MTDH: variants seen among roughly 807,000 people sequenced by gnomAD.
The protein encoded by MTDH is protein LYRIC.
MTDH carries 34 observed loss-of-function variants against 72.7 expected under a neutral mutation model. The observed-to-expected ratio is 0.47, with a 90% confidence interval of 0.36 to 0.62. The LOEUF (loss-of-function observed/expected upper bound fraction) is 0.62. MTDH is among the 20% of genes least tolerant of loss of function. The probability of loss-of-function intolerance (pLI) is 0.00; values close to 1 mark genes in which losing one functional copy is unlikely to be tolerated. For missense variants in MTDH, 677 were observed against 699.4 expected (o/e 0.97, Z 0.36); for synonymous variants, 266 against 268.9 (o/e 0.99, Z 0.10).
intron 2 of MTDH, among the ~76,000 whole-genome samples, chr8:97,671,227 A>G (rs1380050392): frequency 1.3e-5 from 2 of 151,894 alleles, no homozygotes. Context: ...TCGGCCTCCC[A>G]AAGTGCTGGG....
chr8:97,646,649 A>C (rs1439490720), intron 1 of MTDH, among the ~76,000 whole-genome samples: 1 of 152,242 alleles, frequency 6.6e-6, no homozygotes, highest in Non-Finnish European at 1.5e-5. Context: ...CATCTGAAAG[A>C]ATACAGATTC....
chr8:97,699,994 A>T, intron 7 of MTDH, 142 bp downstream of exon 7: 1 of 458,218 alleles, frequency 2.2e-6, no homozygotes, highest in Non-Finnish European at 3.8e-6. Context: ...CAAATGTACT[A>T]CTTGAAACCT....
chr8:97,696,112 A>G (rs72671539), intron 6 of MTDH: 18,893 of 366,864 alleles, frequency 0.051, 617 homozygotes, highest in Non-Finnish European at 0.06. Flanking sequence ...TTCTAAGGTT[A>G]TCTTTAAATA....
At chr8:97,684,429 C>T (rs917756358) in intron 2 of MTDH, among the ~76,000 whole-genome samples, 1 of 152,168 alleles carries the variant, frequency 6.6e-6, no homozygotes, top group Non-Finnish European at 1.5e-5. Context: ...AACTCTGACA[C>T]CCCAAATCCA....
Position 97,724,713 on chromosome 8 carries a change from C to CCAA in MTDH, c.*43_*44insCAA. On this transcript the variant is annotated 3_prime_UTR_variant, in exon 12 of 12. Coordinates refer to ENST00000336273, the MANE Select transcript of MTDH (RefSeq NM_178812.4). ...TGGACATGTGTTTGCAAACACTTGT[C>CCAA]TTGAAGATTATGCTGTTTATGCAAT... The CCAA allele has an allele frequency of 7.0e-7, 1 of 1,424,652 alleles. No homozygotes were observed. Among genetic ancestry groups the CCAA allele is most frequent in the Non-Finnish European group, 9.6e-7 (1 of 1,041,544 alleles). The allele number at this position is 1,424,652 out of a possible 1,614,324, so 88.3% of individuals were successfully genotyped here.
intron 2 of MTDH, among the ~76,000 whole-genome samples, chr8:97,677,207 A>G (rs1234804376): frequency 9.5e-6 from 1 of 104,818 alleles, no homozygotes; most frequent in East Asian, 4.3e-4. Context: ...AAAAAAAAAA[A>G]AAAAGGCCGG....
At position 97,723,042 on chromosome 8, in the gene MTDH, A is replaced by T; in HGVS notation, c.1678+7A>T. 1 of 1,611,758 alleles carries T rather than the reference A, an allele frequency of 6.2e-7. No homozygotes were observed. Among genetic ancestry groups the T allele is most frequent in the Non-Finnish European group, 8.5e-7 (1 of 1,179,102 alleles). On this transcript the variant is annotated splice_region_variant and intron_variant, in intron 11 of 11. Coordinates refer to ENST00000336273, the MANE Select transcript of MTDH (RefSeq NM_178812.4). ...AGTGTGCCTCCTTCACAGAGTAAGT[A>T]ATCCTCATTTTTTGTTCCTTTGTAC...
chr8:97,649,192 G>A (rs1373201324), intron 1 of MTDH, among the ~76,000 whole-genome samples: 5 of 152,192 alleles, frequency 3.3e-5, no homozygotes, highest in Non-Finnish European at 7.4e-5. Flanking sequence ...TTCTCATTAA[G>A]CAGTGTATGA....
intron 10 of MTDH, among the ~76,000 whole-genome samples, chr8:97,722,098 CACTA>C (rs1325917867): frequency 2.1e-4 from 32 of 152,176 alleles, no homozygotes; most frequent in African/African-American, 7.5e-4. Context: ...ACCAATGAAT[CACTA>C]ACAAGTATAA....
intron 1 of MTDH, among the ~76,000 whole-genome samples, chr8:97,650,753 C>T (rs1457780013): frequency 6.6e-6 from 1 of 151,060 alleles, no homozygotes; most frequent in Admixed American, 6.6e-5. Context: ...ATTTTTTGAG[C>T]TGGGGTCTCA....
rs1199702732 is a variant in MTDH, at chr8:97,691,103, CTGG to C, written c.964_966del (p.Trp322del). 1.9e-6 allele frequency: 3 copies of C among 1,614,108 alleles called. No homozygotes were observed. The highest frequency in any genetic ancestry group is 2.5e-6 in the Non-Finnish European group (3 of 1,180,008). ...GAAAGAGGAAAACTGAGCCATCTGC[CTGG>C]AGTCAAGACACTGGAGATGCTAATA... On this transcript the variant is annotated inframe_deletion, in exon 6 of 12. Transcript: ENST00000336273.
intron 2 of MTDH, among the ~76,000 whole-genome samples, chr8:97,686,289 A>C (rs866304999): frequency 1.3e-5 from 2 of 152,218 alleles, no homozygotes; most frequent in African/African-American, 2.4e-5. Context: ...GTGGAAGGGC[A>C]CAGGCTTTGG....
intron 7 of MTDH, among the ~76,000 whole-genome samples, chr8:97,700,322 T>G (rs978983119): frequency 6.6e-6 from 1 of 151,986 alleles, no homozygotes; most frequent in African/African-American, 2.4e-5. Flanking sequence ...TCATGCCGTC[T>G]TCATTTAAAA....
chr8:97,681,491 CTTTTTTT>C (rs35262209), intron 2 of MTDH, among the ~76,000 whole-genome samples: 3 of 108,868 alleles, frequency 2.8e-5, no homozygotes, highest in Non-Finnish European at 3.7e-5. Context: ...AGAATTTTTT[CTTTTTTT>C]TTTTTTTTTT....
intron 1 of MTDH, among the ~76,000 whole-genome samples, chr8:97,657,288 A>G (rs920985135): frequency 3.3e-5 from 5 of 152,252 alleles, no homozygotes; most frequent in African/African-American, 7.2e-5. Context: ...TTGATTTTCA[A>G]CAAATTTGAA....
chr8:97,711,797 T>G (rs952628760), intron 8 of MTDH, among the ~76,000 whole-genome samples: 44 of 152,214 alleles, frequency 2.9e-4, no homozygotes, highest in Non-Finnish European at 3.2e-4. Context: ...TAAAATTTAC[T>G]GTAATAAAAG....
At chr8:97,723,329 C>G (rs1281616070) in intron 11 of MTDH, among the ~76,000 whole-genome samples, 4 of 150,826 alleles carry the variant, frequency 2.7e-5, no homozygotes, top group Non-Finnish European at 4.4e-5. Context: ...ACCCGGGAGG[C>G]AGAGCTTGCA....
chr8:97,695,189 A>G (rs1233377717), intron 6 of MTDH, among the ~76,000 whole-genome samples: 8 of 149,254 alleles, frequency 5.4e-5, no homozygotes, highest in Admixed American at 4.7e-4. Context: ...GCTCACTGCA[A>G]CCTCACCTCC....
chr8:97,700,430 T>C (rs1428353091), intron 7 of MTDH, among the ~76,000 whole-genome samples: 33 of 152,220 alleles, frequency 2.2e-4, no homozygotes, highest in Non-Finnish European at 2.9e-5. Flanking sequence ...TTTACTGTTT[T>C]CTACTGTTAG....
Sources: allele counts gnomAD v4.1 joint callset (sites outside exome capture counted in the v4.1 genomes callset), GRCh38; gene constraint gnomAD v4.1.1; transcripts MANE v1.5; gene names NCBI Gene and HGNC (gene_info 2026-07-23, HGNC 2026-07-21).